Variants in RIN2 observed in about 807,000 individuals in gnomAD.
RIN2 encodes Ras and Rab interactor 2, also known as RAB5 interacting protein 2.
RIN2 carries 36 observed loss-of-function variants against 78.0 expected under a neutral mutation model. That is an observed-to-expected ratio of 0.46 (90% CI 0.35 to 0.61). The LOEUF (loss-of-function observed/expected upper bound fraction) is 0.61, where lower values mean the gene tolerates loss of function less well. Among genes scored for constraint, RIN2 ranks in the 20% least tolerant of loss-of-function variants. RIN2 has a pLI of 0.00. For synonymous variants in RIN2, 466 were observed against 466.8 expected (o/e 1.00, Z 0.02); for missense variants, 1,087 against 1,159.7 (o/e 0.94, Z 0.91).
In RIN2 at chr20:19,844,605, T is replaced by G. The variant is rs1420101032; in HGVS notation, c.-37+44858T>G. Among the ~76,000 whole-genome samples, 236 of 25,696 alleles carry G rather than the reference T, an allele frequency of 9.2e-3. 5 individuals are homozygous for G. Among genetic ancestry groups the G allele is most frequent in the African/African-American group, 0.034 (220 of 6,384 alleles). The allele number at this position is 25,696 out of a possible 152,430, so 16.9% of individuals were successfully genotyped here. On this transcript the variant is annotated intron_variant, in intron 2 of 12. Transcript: ENST00000255006. The stretch of plus-strand genomic sequence containing the variant: ...TGCTGCTGCTGCTGCTTCTTCCTCT[T>G]CTTCTTCTTCTTCTTCTTCTTCTTC...
intron 3 of RIN2, among the ~76,000 whole-genome samples, chr20:19,910,322 G>A (rs776661513): frequency 4.0e-5 from 6 of 151,500 alleles, no homozygotes; most frequent in East Asian, 2.0e-4. Context: ...ACAGGCATGC[G>A]CCACCATGCC....
chr20:19,870,270 G>A lies in RIN2; in HGVS notation c.-36-19296G>A, dbSNP rs1386369010. Reference sequence around the variant, plus strand: ...ATTTTTCCCAATAATGTCCTGTATAGCATGTTTCTTTCTCTAGTCCAGGAA... The same window carrying A: ...ATTTTTCCCAATAATGTCCTGTATAACATGTTTCTTTCTCTAGTCCAGGAA... On this transcript the variant is annotated intron_variant, in intron 2 of 12. Coordinates refer to ENST00000255006, the MANE Select transcript of RIN2 (RefSeq NM_018993.4). Among the ~76,000 whole-genome samples the A allele has an allele frequency of 2.6e-5, 4 of 152,264 alleles. No homozygotes were observed. In the East Asian group the frequency reaches 5.8e-4, roughly 22 times the overall value.
At chr20:19,868,900 G>C (rs1022959948) in intron 2 of RIN2, among the ~76,000 whole-genome samples, 1 of 152,142 alleles carries the variant, frequency 6.6e-6, no homozygotes, top group South Asian at 2.1e-4. Context: ...GGCCAACATC[G>C]TGAAACCTTG....
At chr20:19,860,803 G>A (rs1485352438) in intron 2 of RIN2, among the ~76,000 whole-genome samples, 1 of 152,102 alleles carries the variant, frequency 6.6e-6, no homozygotes, top group African/African-American at 2.4e-5. Context: ...TGGACTATGA[G>A]CATATTCAGA....
At chr20:19,799,436 A>G (rs893068506) in intron 1 of RIN2, 186 bp from the exon 2 acceptor site, 2 of 152,132 alleles carry the variant, frequency 1.3e-5, no homozygotes, top group African/African-American at 2.4e-5. Context: ...TGGTAAAGAA[A>G]TCTCCCTCCT....
At chr20:19,835,564 A>G (rs745791572) in intron 2 of RIN2, among the ~76,000 whole-genome samples, 1 of 152,230 alleles carries the variant, frequency 6.6e-6, no homozygotes, top group Non-Finnish European at 1.5e-5. Flanking sequence ...AAAGATCAGC[A>G]TTTAAAAAGC....
chr20:19,911,776 T>C (rs1167724918), intron 3 of RIN2, among the ~76,000 whole-genome samples: 1 of 152,214 alleles, frequency 6.6e-6, no homozygotes, highest in Non-Finnish European at 1.5e-5. Flanking sequence ...ATGCAGAAAG[T>C]GCTCACGTCA....
chr20:19,915,258 C>T (rs900137850), intron 3 of RIN2, among the ~76,000 whole-genome samples: 1 of 152,226 alleles, frequency 6.6e-6, no homozygotes, highest in Admixed American at 6.5e-5. Context: ...ATGGTGCAAT[C>T]CCACTGGGGA....
intron 2 of RIN2, among the ~76,000 whole-genome samples, chr20:19,865,089 C>T (rs553760514): frequency 3.3e-5 from 5 of 152,266 alleles, no homozygotes; most frequent in East Asian, 3.9e-4. Flanking sequence ...TAAATGTTTA[C>T]GACTCCCCCA....
At chr20:19,848,145 A>G (rs2123153416) in intron 2 of RIN2, among the ~76,000 whole-genome samples, 1 of 152,292 alleles carries the variant, frequency 6.6e-6, no homozygotes, top group African/African-American at 2.4e-5. Context: ...ATGCTAGTTA[A>G]GTGGTGTACT....
At chr20:19,835,135 G>A (rs2036381954) in intron 2 of RIN2, among the ~76,000 whole-genome samples, 1 of 100,966 alleles carries the variant, frequency 9.9e-6, no homozygotes, top group South Asian at 4.5e-4. Context: ...AGAAAGGAAG[G>A]AAGGGAGGGA....
At chr20:19,778,679 T>G (rs996603474) in intron 1 of RIN2, among the ~76,000 whole-genome samples, 1 of 152,168 alleles carries the variant, frequency 6.6e-6, no homozygotes, top group African/African-American at 2.4e-5. Flanking sequence ...ACCCTGAGCT[T>G]CTTTGGGGCC....
chr20:19,774,682 T>G (rs1161950164), intron 1 of RIN2, among the ~76,000 whole-genome samples: 6 of 152,220 alleles, frequency 3.9e-5, no homozygotes, highest in Non-Finnish European at 8.8e-5. Flanking sequence ...GGGTACCCGC[T>G]TTGTACTTCC....
chr20:19,993,974 C>G (rs2042878178), intron 11 of RIN2, among the ~76,000 whole-genome samples: 1 of 152,206 alleles, frequency 6.6e-6, no homozygotes, highest in African/African-American at 2.4e-5. Context: ...GCACTCAGGA[C>G]AAACATTGCT....
intron 8 of RIN2, among the ~76,000 whole-genome samples, chr20:19,971,620 T>A (rs759173840): frequency 7.9e-5 from 12 of 152,166 alleles, no homozygotes; most frequent in Non-Finnish European, 1.0e-4. Context: ...GTATTCCTCC[T>A]CTGGCATATT....
chr20:19,773,504 T>A (rs2034207472), intron 1 of RIN2, among the ~76,000 whole-genome samples: 1 of 152,200 alleles, frequency 6.6e-6, no homozygotes, highest in African/African-American at 2.4e-5. Context: ...CTTGTCTTGT[T>A]CTGCTGTTGT....
At chr20:19,956,175 T>C (rs149681929) in intron 4 of RIN2, among the ~76,000 whole-genome samples, 136 of 148,690 alleles carry the variant, frequency 9.1e-4, no homozygotes, top group African/African-American at 3.1e-3. Flanking sequence ...GGAGAATCAC[T>C]TGAACCCAGG....
At chr20:19,812,070 T>C (rs1008836940) in intron 2 of RIN2, among the ~76,000 whole-genome samples, 2 of 152,118 alleles carry the variant, frequency 1.3e-5, no homozygotes, top group Non-Finnish European at 2.9e-5. Context: ...TCTTTTTTTT[T>C]ACCACTGAAT....
intron 2 of RIN2, among the ~76,000 whole-genome samples, chr20:19,843,705 T>TA: frequency 6.6e-6 from 1 of 152,282 alleles, no homozygotes; most frequent in South Asian, 2.1e-4. Context: ...AAACCAACAG[T>TA]AACTCCAAGA....
Sources: allele counts gnomAD v4.1 joint callset (sites outside exome capture counted in the v4.1 genomes callset), GRCh38; gene constraint gnomAD v4.1.1; transcripts MANE v1.5; gene names NCBI Gene and HGNC (gene_info 2026-07-23, HGNC 2026-07-21).